Variants in TUSC3 observed in about 807,000 individuals in gnomAD.
TUSC3 encodes dolichyl-diphosphooligosaccharide--protein glycosyltransferase subunit TUSC3.
TUSC3 carries 45 observed loss-of-function variants against 44.8 expected under a neutral mutation model. The observed-to-expected ratio is 1.00, with a 90% CI of 0.79 to 1.29. The LOEUF is 1.29. TUSC3 is among the 50% of genes most tolerant of loss of function. The pLI, the probability that TUSC3 is intolerant of heterozygous loss-of-function variation, is 0.00. For missense variants in TUSC3, 519 were observed against 437.9 expected (o/e 1.19, Z -1.65); for synonymous variants, 212 against 152.9 (o/e 1.39, Z -2.85).
the TUSC3 span, among the ~76,000 whole-genome samples, chr8:15,775,615 CATAT>C: frequency 2.2e-5 from 3 of 135,934 alleles, no homozygotes; most frequent in Non-Finnish European, 3.1e-5. Context: ...CATGTATGTA[CATAT>C]ATATATACAG....
At chr8:15,600,461 T>C (rs1804238429) in intron 1 of TUSC3, among the ~76,000 whole-genome samples, 1 of 151,782 alleles carries the variant, frequency 6.6e-6, no homozygotes, top group East Asian at 1.9e-4. Flanking sequence ...TGATTCTTAG[T>C]TTATTTTGTA....
At chr8:15,609,832 A>G (rs1186975310) in intron 1 of TUSC3, among the ~76,000 whole-genome samples, 1 of 152,024 alleles carries the variant, frequency 6.6e-6, no homozygotes. Flanking sequence ...ATTTTCAACT[A>G]TTTACATGAC....
intron 2 of TUSC3, among the ~76,000 whole-genome samples, chr8:15,504,611 ATATATATATATTTTTTTT>A (rs1332808554): frequency 4.9e-3 from 110 of 22,278 alleles, no homozygotes; most frequent in African/African-American, 0.023. Context: ...ATATATATAT[ATATATATATATTTTTTTT>A]TTTTTTTTTT....
At chr8:15,808,635 C>T in the TUSC3 span, among the ~76,000 whole-genome samples, 1 of 152,118 alleles carries the variant, frequency 6.6e-6, no homozygotes, top group Non-Finnish European at 1.5e-5. Flanking sequence ...GCAGCCCAAG[C>T]ATAAGTCTTT....
chr8:15,658,926 T>C (rs183339245), intron 3 of TUSC3, among the ~76,000 whole-genome samples: 1 of 152,092 alleles, frequency 6.6e-6, no homozygotes, highest in African/African-American at 2.4e-5. Context: ...AAAGTGTTAT[T>C]TGAGGATTTC....
In TUSC3 at chr8:15,459,786, C is replaced by G. The variant is rs187127906; in HGVS notation, n.92-23600C>G. On this transcript the variant is annotated intron_variant and non_coding_transcript_variant, in intron 1 of 5. Coordinates refer to the TUSC3 transcript ENST00000503191. ...ATCTCCAATCTCATCCCGGTCAATG[C>G]GAGTGCCATTAATTCATTCCCTTTT... 3.4e-3 allele frequency among the ~76,000 whole-genome samples: 522 copies of G among 152,002 alleles called. 4 individuals are homozygous for G. Among genetic ancestry groups the G allele is most frequent in the Admixed American group, 6.9e-3 (105 of 15,262 alleles).
chr8:15,525,581 G>C (rs1046346359), intron 2 of TUSC3, among the ~76,000 whole-genome samples: 4 of 152,106 alleles, frequency 2.6e-5, no homozygotes, highest in African/African-American at 9.7e-5. Context: ...AGTGTAAAGT[G>C]GTCCTGAGAA....
intron 1 of TUSC3, among the ~76,000 whole-genome samples, chr8:15,425,191 G>C (rs1052882173): frequency 2.0e-5 from 3 of 152,146 alleles, no homozygotes. Flanking sequence ...AAGTAGTCAA[G>C]TTTTCCATTT....
intron 1 of TUSC3, among the ~76,000 whole-genome samples, chr8:15,433,709 T>G (rs1482379959): frequency 6.6e-6 from 1 of 152,142 alleles, no homozygotes; most frequent in African/African-American, 2.4e-5. Flanking sequence ...ACATACTCAC[T>G]TTGCCTGCCT....
intron 1 of TUSC3, among the ~76,000 whole-genome samples, chr8:15,611,789 C>T (rs1331143323): frequency 6.6e-6 from 1 of 151,980 alleles, no homozygotes; most frequent in African/African-American, 2.4e-5. Flanking sequence ...TTTTTGGTTC[C>T]TAGAAGCATT....
downstream of TUSC3, among the ~76,000 whole-genome samples, chr8:15,770,460 G>T (rs1340226749): frequency 1.3e-5 from 2 of 152,052 alleles, no homozygotes; most frequent in Non-Finnish European, 2.9e-5. Context: ...CAATGTAGAT[G>T]ATGGGTTGAT....
intron 1 of TUSC3, among the ~76,000 whole-genome samples, chr8:15,465,585 C>T (rs1477698887): frequency 6.6e-6 from 1 of 152,104 alleles, no homozygotes; most frequent in Non-Finnish European, 1.5e-5. Context: ...CAAAGTTTTG[C>T]TCCATAAAAC....
chr8:15,447,305 C>G (rs1448676046), intron 1 of TUSC3, among the ~76,000 whole-genome samples: 1 of 152,056 alleles, frequency 6.6e-6, no homozygotes, highest in Non-Finnish European at 1.5e-5. Flanking sequence ...AACGTTATAA[C>G]TCAATTAATT....
At chr8:15,813,143 G>A in the TUSC3 span, among the ~76,000 whole-genome samples, 3 of 151,984 alleles carry the variant, frequency 2.0e-5, no homozygotes, top group African/African-American at 7.2e-5. Context: ...CATTGATCCA[G>A]GACACAATGC....
chr8:15,693,441 C>CTTTTTTTTTTTT, intron 6 of TUSC3, among the ~76,000 whole-genome samples: 1 of 96,894 alleles, frequency 1.0e-5, no homozygotes, highest in Non-Finnish European at 1.9e-5. Context: ...GTTGGAAGTT[C>CTTTTTTTTTTTT]TTTTTTTTTT....
intron 1 of TUSC3, among the ~76,000 whole-genome samples, chr8:15,428,237 A>T (rs1799830264): frequency 6.8e-6 from 1 of 147,276 alleles, no homozygotes; most frequent in Non-Finnish European, 1.5e-5. Context: ...TTTTGTCCTC[A>T]CGATACTTCG....
chr8:15,478,230 T>G (rs554314414), intron 1 of TUSC3, among the ~76,000 whole-genome samples: 21 of 152,338 alleles, frequency 1.4e-4, no homozygotes, highest in African/African-American at 5.1e-4. Context: ...CCTCCCAAAG[T>G]GCTGGGATGA....
chr8:15,821,561 C>T, the TUSC3 span, among the ~76,000 whole-genome samples: 2 of 151,312 alleles, frequency 1.3e-5, no homozygotes, highest in African/African-American at 4.9e-5. Flanking sequence ...AGATTTCCCC[C>T]TTACTCTCCC....
At chr8:15,629,342 T>C (rs1313448527) in intron 2 of TUSC3, among the ~76,000 whole-genome samples, 2 of 152,138 alleles carry the variant, frequency 1.3e-5, no homozygotes, top group African/African-American at 2.4e-5. Flanking sequence ...TCTATTGTTA[T>C]TGAGCCAGGA....
Sources: gnomAD v4.1 joint callset for allele counts (sites outside exome capture counted in the v4.1 genomes callset) on GRCh38, gnomAD v4.1.1 for gene constraint, MANE v1.5 for transcripts, NCBI Gene and HGNC (gene_info 2026-07-23, HGNC 2026-07-21) for gene names.